Variants in SHANK1 observed in about 807,000 individuals in gnomAD.
The protein encoded by SHANK1 is SH3 and multiple ankyrin repeat domains protein 1.
SHANK1 carries 35 observed loss-of-function variants against 165.6 expected under a neutral mutation model. The ratio of observed to expected loss-of-function variants is 0.21; its 90% CI spans 0.16 to 0.28. The LOEUF (loss-of-function observed/expected upper bound fraction) is 0.28, where lower values mean the gene tolerates loss of function less well. Among genes scored for constraint, SHANK1 ranks in the 10% least tolerant of loss-of-function variants. SHANK1 has a pLI of 1.00. For missense variants in SHANK1, 2,681 were observed against 3,036.4 expected, an observed-to-expected ratio of 0.88 and a Z score of 2.75; for synonymous variants, 1,428 against 1,384.8, an observed-to-expected ratio of 1.03 and a Z score of -0.69.
At chr19:50,704,208 AG>A in intron 9 of SHANK1, 22 bp from the exon 10 acceptor site, 1 of 1,612,406 alleles carries the variant, frequency 6.2e-7, no homozygotes, top group South Asian at 1.1e-5. Context: ...GGGTAGAGGC[AG>A]GTCGGCCAGG....
In SHANK1 at chr19:50,667,191, T is replaced by C; in HGVS notation, c.4769A>G (p.His1590Arg). ...PESPLTPGPP[H>R]PLPDTPAPAT... ...AGGGGCAGGTGTGTCGGGCAGCGGGTGGGGAGGCCCAGGCGTGAGGGGCGA... is the reference window on the plus strand; with the variant it reads ...AGGGGCAGGTGTGTCGGGCAGCGGGCGGGGAGGCCCAGGCGTGAGGGGCGA... The change falls in exon 23 of 24, where the codon CAC becomes CGC. Residue 1590 changes from histidine (H) to arginine (R), a missense_variant. His to Arg is a conservative substitution (Grantham distance 29). This residue lies in a region of SHANK1 where 1,713 missense variants were observed against 1,630.2 expected (regional missense o/e 1.05). Coordinates refer to ENST00000293441, the MANE Select transcript of SHANK1 (RefSeq NM_016148.5). The surrounding 1 kb of genome is among the most constrained non-coding windows in gnomAD (Gnocchi z 5.7). The C allele has an allele frequency of 6.4e-7, 1 of 1,567,188 alleles. No individual in the cohort carries two copies. The highest frequency in any genetic ancestry group is 1.7e-4 in the Middle Eastern group (1 of 6,004).
At position 50,668,495 on chromosome 19, in the gene SHANK1, G is replaced by T; in HGVS notation, c.3465C>A (p.Ile1155=). The change falls in exon 23 of 24, where the codon ATC becomes ATA. Residue 1155 remains isoleucine (I), a synonymous_variant. Coordinates refer to ENST00000293441, the MANE Select transcript of SHANK1 (RefSeq NM_016148.5). Reference sequence around the variant, plus strand: ...ACGGGGCCTTGATGATGATGGTGGGGATGGGGATGGAGTTCTTCTCCGAGG... The same window carrying T: ...ACGGGGCCTTGATGATGATGGTGGGTATGGGGATGGAGTTCTTCTCCGAGG... ...AAPSEKNSIP[I]PTIIIKAPST... 1 of 1,347,572 alleles carries T rather than the reference G, an allele frequency of 7.4e-7. No homozygotes were observed. The highest frequency in any genetic ancestry group is 9.5e-7 in the Non-Finnish European group (1 of 1,049,360). The allele number at this position is 1,347,572 out of a possible 1,614,324, so 83.5% of individuals were successfully genotyped here.
chr19:50,680,507 G>A (rs571335212), intron 21 of SHANK1, among the ~76,000 whole-genome samples: 43 of 152,224 alleles, frequency 2.8e-4, no homozygotes, highest in African/African-American at 9.4e-4. Context: ...AGAGCCCTAG[G>A]AGGAGACAGC....
intron 8 of SHANK1, among the ~76,000 whole-genome samples, chr19:50,708,188 G>A (rs543378941): frequency 2.0e-5 from 3 of 151,944 alleles, no homozygotes; most frequent in South Asian, 2.1e-4. Flanking sequence ...CTCGTGATCC[G>A]CCTGCTTCAG....
At chr19:50,707,633 T>C (rs1261003620) in intron 8 of SHANK1, among the ~76,000 whole-genome samples, 1 of 151,104 alleles carries the variant, frequency 6.6e-6, no homozygotes, top group Non-Finnish European at 1.5e-5. Flanking sequence ...TGATCTCGGC[T>C]CACTGCAGCC....
chr19:50,712,637 C>A (rs966743658), intron 6 of SHANK1, among the ~76,000 whole-genome samples: 45 of 152,178 alleles, frequency 3.0e-4, no homozygotes, highest in Non-Finnish European at 8.8e-5. Flanking sequence ...TTCCTGCCCC[C>A]ACTTGAAGGA....
At chr19:50,677,208 A>G (rs1318598600) in intron 21 of SHANK1, among the ~76,000 whole-genome samples, 1 of 150,916 alleles carries the variant, frequency 6.6e-6, no homozygotes, top group East Asian at 1.9e-4. Flanking sequence ...GCTCACTGCA[A>G]CCTCCACCTC....
In SHANK1 at chr19:50,667,073, G is replaced by C; in HGVS notation, c.4887C>G (p.Ser1629Arg). ...CCCCCTGGGTCAGGGTGGCCACCTC[G>C]CTGTCATAGGATGTCAGGCTGGATG... ...STASSLTSYD[S>R]EVATLTQGAS... is the part of the protein sequence containing the mutation. Residue 1629 changes from serine (S) to arginine (R), a missense_variant, in exon 23 of 24, where the codon AGC becomes AGG. This residue lies in a region of SHANK1 where 1,713 missense variants were observed against 1,630.2 expected (regional missense o/e 1.05). Transcript: ENST00000293441. This position sits in a 1 kb window ranked among gnomAD's most constrained non-coding sequence, Gnocchi z 5.7. The C allele has an allele frequency of 6.4e-7, 1 of 1,554,032 alleles. No individual in the cohort carries two copies.
At position 50,690,275 on chromosome 19, in the gene SHANK1, C is replaced by A. The variant is rs374356299; in HGVS notation, c.1965-996G>T. Among the ~76,000 whole-genome samples, 1 of 152,092 alleles carries A rather than the reference C, an allele frequency of 6.6e-6. No individual in the cohort carries two copies. Among genetic ancestry groups the A allele is most frequent in the South Asian group, 2.1e-4 (1 of 4,836 alleles). On this transcript the variant is annotated intron_variant, in intron 15 of 23. Transcript: ENST00000293441. This position sits in a 1 kb window ranked among gnomAD's most constrained non-coding sequence, Gnocchi z 4.9. ...AGCACATTTAGGTAAGGCTCACGTA[C>A]CCAGGAAATGTCAATGAAACTCAGA... is the stretch of plus-strand genomic sequence containing the variant.
chr19:50,666,603 G>C lies in SHANK1; in HGVS notation c.5357C>G (p.Thr1786Ser). The change falls in exon 23 of 24, where the codon ACC becomes AGC. Residue 1786 changes from threonine (T) to serine (S), a missense_variant. Physicochemically the swap from Thr to Ser is moderately conservative, Grantham distance 58. This residue lies in a region of SHANK1 where 1,713 missense variants were observed against 1,630.2 expected (regional missense o/e 1.05). Coordinates refer to ENST00000293441, the MANE Select transcript of SHANK1 (RefSeq NM_016148.5). ...GGTTCCAGCCCCTGTCACCGAGACG[G>C]TGGGGCTGGTGGGGGTAACAGGGTC... ...LRDPVTPTSP[T>S]VSVTGAGTDG... The C allele has an allele frequency of 3.7e-6, 6 of 1,600,524 alleles. No homozygotes were observed. Among genetic ancestry groups the C allele is most frequent in the Non-Finnish European group, 5.1e-6 (6 of 1,175,686 alleles).
chr19:50,687,014 C>T, intron 19 of SHANK1: 8 of 1,485,476 alleles, frequency 5.4e-6, no homozygotes, highest in Non-Finnish European at 7.1e-6. Context: ...TGTGCCCACT[C>T]ACCACTCTTC....
rs573999773 is a variant in SHANK1 at position 50,715,972 on chromosome 19, T to G, written c.460-242A>C. On this transcript the variant is annotated intron_variant, in intron 3 of 23. Transcript: ENST00000293441. ...CCCCTGCCTTGAAGGAGGAGGAGTC[T>G]GGACCCCACAGGGAATGTTCTAGAG... 2.3e-3 allele frequency among the ~76,000 whole-genome samples: 344 copies of G among 152,298 alleles called. 1 individual carries two copies. The highest frequency in any genetic ancestry group is 6.8e-3 in the African/African-American group (284 of 41,564).
At chr19:50,712,900 C>G (rs1159533400) in intron 6 of SHANK1, among the ~76,000 whole-genome samples, 2 of 152,134 alleles carry the variant, frequency 1.3e-5, no homozygotes, top group South Asian at 4.1e-4. Flanking sequence ...TAAACAGCCC[C>G]AGGTGGCCAG....
chr19:50,703,954 G>C, intron 10 of SHANK1, 124 bp from the exon 11 acceptor site: 1 of 757,618 alleles, frequency 1.3e-6, no homozygotes, highest in South Asian at 1.7e-5. Context: ...GAGAAAGGGA[G>C]GGGGGCCTGG....
intron 19 of SHANK1, chr19:50,687,105 CCT>C: frequency 8.4e-7 from 1 of 1,196,932 alleles, no homozygotes; most frequent in Non-Finnish European, 1.1e-6. Flanking sequence ...TGAGGGGCCC[CCT>C]GTCTGGAAGC....
At chr19:50,689,062 C>T (rs1034946831) in intron 16 of SHANK1, 94 bp from the exon 17 acceptor site, 26 of 1,123,578 alleles carry the variant, frequency 2.3e-5, no homozygotes, top group East Asian at 1.4e-4. Flanking sequence ...GAGGCCTCAC[C>T]GCAGCTGAGG....
chr19:50,686,256 T>C lies in SHANK1; in HGVS notation c.2558A>G (p.Lys853Arg), dbSNP rs753780844. ...GLASLGKHRPKGFFATESSFD... is the reference protein window; with the variant it reads ...GLASLGKHRPRGFFATESSFD... ...GCCTACCTCAGTGGCAAAGAAACCT[T>C]TGGGTCGGTGTTTGCCCAGGGACGC... Residue 853 changes from lysine (K) to arginine (R), a missense_variant, in exon 21 of 24, where the codon AAA (lysine) becomes AGA (arginine). This residue lies in a region of SHANK1 where 206 missense variants were observed against 216.0 expected (regional missense o/e 0.95). Transcript: ENST00000293441. This position sits in a 1 kb window ranked among gnomAD's most constrained non-coding sequence, Gnocchi z 5.7. 1.2e-6 allele frequency: 2 copies of C among 1,602,430 alleles called. No homozygotes were observed. The highest frequency in any genetic ancestry group is 1.1e-5 in the South Asian group (1 of 89,532).
At chr19:50,663,936 C>T (rs1985374554) in intron 23 of SHANK1, among the ~76,000 whole-genome samples, 2 of 70,790 alleles carry the variant, frequency 2.8e-5, no homozygotes, top group South Asian at 7.5e-4. Flanking sequence ...CTCTCTCTCT[C>T]TCTCTTTTTT....
rs114094701 is a variant in SHANK1 at position 50,709,887 on chromosome 19, C to T, written c.1077+1484G>A. Among the ~76,000 whole-genome samples, 1,187 of 152,292 alleles carry T rather than the reference C, an allele frequency of 7.8e-3. 11 individuals carry two copies. The highest frequency in any genetic ancestry group is 0.021 in the African/African-American group (866 of 41,558). ...ACCAAAATTTCTCTGTTTATCTGAA[C>T]GGTACAGTTTCTGTCTCTCGACTGG... On this transcript the variant is annotated intron_variant, in intron 8 of 23. Coordinates refer to ENST00000293441, the MANE Select transcript of SHANK1 (RefSeq NM_016148.5).
Sources: gnomAD v4.1 joint callset for allele counts (sites outside exome capture counted in the v4.1 genomes callset) on GRCh38, gnomAD v4.1.1 for gene constraint, gnomAD v4.1.1 regional missense constraint, Gnocchi (gnomAD v3.1) non-coding constraint, MANE v1.5 for transcripts, NCBI Gene and HGNC (gene_info 2026-07-23, HGNC 2026-07-21) for gene names.